Variants in TENM2 observed in about 807,000 individuals in gnomAD.
TENM2 encodes the protein teneurin-2.
In TENM2, 52 loss-of-function variants were observed where a neutral mutation model predicts 245.2. That is an observed-to-expected ratio of 0.21 (90% CI 0.17 to 0.27). The LOEUF (loss-of-function observed/expected upper bound fraction) is 0.27, where lower values mean the gene tolerates loss of function less well. TENM2 is among the 10% of genes least tolerant of loss of function. TENM2 has a pLI of 1.00. For missense variants in TENM2, 3,046 were observed against 3,666.8 expected, an observed-to-expected ratio of 0.83 and a Z score of 4.37; for synonymous variants, 1,363 against 1,438.9, an observed-to-expected ratio of 0.95 and a Z score of 1.19.
chr5:168,045,716 T>C (rs994421995), intron 5 of TENM2, among the ~76,000 whole-genome samples: 1 of 152,214 alleles, frequency 6.6e-6, no homozygotes, highest in Admixed American at 6.5e-5. Flanking sequence ...AATAGTATCA[T>C]TTTTTTAAAA....
intron 1 of TENM2, among the ~76,000 whole-genome samples, chr5:167,362,360 CAA>C (rs1273814214): frequency 6.6e-6 from 1 of 152,140 alleles, no homozygotes; most frequent in Non-Finnish European, 1.5e-5. Context: ...CTTTTACAAA[CAA>C]GAGTATATCA....
chr5:168,182,845 TTTTGA>T (rs1173641913), intron 13 of TENM2, among the ~76,000 whole-genome samples: 147 of 143,368 alleles, frequency 1.0e-3, no homozygotes, highest in African/African-American at 4.0e-3. Flanking sequence ...TTTTTTTTTT[TTTTGA>T]GACAGAGTCT....
the TENM2 span, among the ~76,000 whole-genome samples, chr5:167,247,974 G>A: frequency 6.6e-6 from 1 of 152,110 alleles, no homozygotes; most frequent in Non-Finnish European, 1.5e-5. Context: ...TAAAAAAATG[G>A]TGAGAAACCT....
intron 2 of TENM2, among the ~76,000 whole-genome samples, chr5:167,726,259 A>AAAACATCCAGTTTGGTCCCACC (rs6149332): frequency 0.28 from 43,124 of 151,646 alleles, 7,858 homozygotes; most frequent in African/African-American, 0.49. Context: ...TCTATGGTCA[A>AAAACATCCAGTTTGGTCCCACC]AAACATCCAG....
Position 168,218,277 on chromosome 5 carries a change from C to T in TENM2, c.4386C>T (p.Asp1462=). The T allele has an allele frequency of 6.2e-7, 1 of 1,613,832 alleles. No homozygotes were observed. The highest frequency in any genetic ancestry group is 8.5e-7 in the Non-Finnish European group (1 of 1,179,880). ...TGCACTGCCAAGTTCCTGGCATTGACTACTCACTCAGCAAACTAGCCATTC... is the reference window on the plus strand; with the variant it reads ...TGCACTGCCAAGTTCCTGGCATTGATTACTCACTCAGCAAACTAGCCATTC... Residue 1462 remains aspartate, a synonymous_variant, in exon 23 of 29, where the codon GAC becomes GAT. Transcript: ENST00000518659. The surrounding 1 kb of genome is among the most constrained non-coding windows in gnomAD (Gnocchi z 5.2).
chr5:167,806,003 C>T (rs547187005), intron 2 of TENM2, among the ~76,000 whole-genome samples: 25 of 152,196 alleles, frequency 1.6e-4, no homozygotes, highest in African/African-American at 6.0e-4. Context: ...CATATTTTAT[C>T]ACAGACAGTC....
At chr5:167,818,813 A>G (rs1767272271) in intron 2 of TENM2, among the ~76,000 whole-genome samples, 1 of 152,194 alleles carries the variant, frequency 6.6e-6, no homozygotes. Context: ...TATTCAAAAA[A>G]TTACAACGCG....
At chr5:168,260,157 C>G in intron 27 of TENM2, 126 bp from the exon 30 acceptor site, 5 of 931,162 alleles carry the variant, frequency 5.4e-6, no homozygotes, top group South Asian at 1.6e-5. Context: ...CAGTCATAAG[C>G]TCTTCCTCCC....
At chr5:168,095,605 T>C (rs1036161745) in intron 8 of TENM2, among the ~76,000 whole-genome samples, 1 of 152,242 alleles carries the variant, frequency 6.6e-6, no homozygotes, top group Non-Finnish European at 1.5e-5. Context: ...GTATTCTCTA[T>C]TATTGTGCAA....
the TENM2 span, among the ~76,000 whole-genome samples, chr5:167,033,814 T>G: frequency 6.6e-6 from 1 of 152,194 alleles, no homozygotes; most frequent in Admixed American, 6.5e-5. Context: ...GCATTTTTGT[T>G]TTTAGCAAAT....
intron 14 of TENM2, among the ~76,000 whole-genome samples, chr5:168,191,997 A>C (rs1411942794): frequency 6.6e-6 from 1 of 152,234 alleles, no homozygotes; most frequent in Non-Finnish European, 1.5e-5. Context: ...TTTACTAAAA[A>C]TAAAATAGAA....
At chr5:167,183,752 A>G in the TENM2 span, among the ~76,000 whole-genome samples, 7 of 152,162 alleles carry the variant, frequency 4.6e-5, no homozygotes, top group East Asian at 1.9e-4. Flanking sequence ...AACTTGCAAA[A>G]TCAGCAATAT....
chr5:167,498,043 G>T (rs1247101462), intron 2 of TENM2, among the ~76,000 whole-genome samples: 1 of 152,150 alleles, frequency 6.6e-6, no homozygotes, highest in African/African-American at 2.4e-5. Flanking sequence ...TGACCAAAGA[G>T]TATGAGTTGG....
chr5:167,105,278 G>A, the TENM2 span, among the ~76,000 whole-genome samples: 4 of 152,096 alleles, frequency 2.6e-5, no homozygotes, highest in Non-Finnish European at 4.4e-5. Flanking sequence ...TACCTTGGCT[G>A]GTTCTTGAAC....
intron 1 of TENM2, among the ~76,000 whole-genome samples, chr5:167,346,154 A>T (rs1275732280): frequency 1.3e-5 from 2 of 152,188 alleles, no homozygotes; most frequent in African/African-American, 4.8e-5. Context: ...TTTAAAGAGG[A>T]TATTGGACTA....
At chr5:168,203,788 G>A (rs771946004) in exon 18 of TENM2, 5 of 1,613,436 alleles carry the variant, frequency 3.1e-6, no homozygotes, top group Non-Finnish European at 4.2e-6. Flanking sequence ...TCCAACCTCG[G>A]TGGCTGGTCC....
intron 9 of TENM2, among the ~76,000 whole-genome samples, chr5:168,115,359 G>GGGAAGGAAGGGAAGGAAGGAAGGAAGGAA (rs1554200289): frequency 1.3e-4 from 9 of 71,592 alleles, no homozygotes; most frequent in Non-Finnish European, 2.0e-4. Flanking sequence ...AGGGAAGGAA[G>GGGAAGGAAGGGAAGGAAGGAAGGAAGGAA]GGAAGGAAGG....
At chr5:167,904,255 G>A (rs1292102934) in intron 3 of TENM2, among the ~76,000 whole-genome samples, 4 of 152,144 alleles carry the variant, frequency 2.6e-5, no homozygotes, top group Non-Finnish European at 5.9e-5. Flanking sequence ...GTGGTTAGGA[G>A]CATGGGTTAG....
At chr5:167,537,537 C>T (rs1771932701) in intron 2 of TENM2, among the ~76,000 whole-genome samples, 1 of 152,172 alleles carries the variant, frequency 6.6e-6, no homozygotes, top group African/African-American at 2.4e-5. Flanking sequence ...GAAACAAGAA[C>T]CTAGTCTATC....
Sources: gnomAD v4.1 joint callset for allele counts (sites outside exome capture counted in the v4.1 genomes callset) on GRCh38, gnomAD v4.1.1 for gene constraint, Gnocchi (gnomAD v3.1) non-coding constraint, MANE v1.5 for transcripts, NCBI Gene and HGNC (gene_info 2026-07-23, HGNC 2026-07-21) for gene names.